The following ZYG11A variants were observed in gnomAD, a reference collection of about 807,000 sequenced individuals.
The protein encoded by ZYG11A is zyg-11 family member A, cell cycle regulator, also known as protein zyg-11 homolog A.
ZYG11A carries 62 observed loss-of-function variants against 77.2 expected under a neutral mutation model. The ratio of observed to expected loss-of-function variants is 0.80; its 90% CI spans 0.65 to 0.99. ZYG11A has a LOEUF of 0.99. ZYG11A is among the 50% of genes least tolerant of loss of function. The probability of loss-of-function intolerance (pLI) is 0.00; values close to 1 mark genes in which losing one functional copy is unlikely to be tolerated. For synonymous variants in ZYG11A, 315 were observed against 324.6 expected, an observed-to-expected ratio of 0.97 and a Z score of 0.32; for missense variants, 828 against 896.8, an observed-to-expected ratio of 0.92 and a Z score of 0.98.
chr1:52,855,276 AT>A (rs1307461422), intron 2 of ZYG11A, among the ~76,000 whole-genome samples: 5 of 152,278 alleles, frequency 3.3e-5, no homozygotes, highest in Non-Finnish European at 5.9e-5. Context: ...CACTAAAAAA[AT>A]AAAGGAAAAA....
At chr1:52,864,876 C>T (rs1026266203) in intron 5 of ZYG11A, among the ~76,000 whole-genome samples, 7 of 148,680 alleles carry the variant, frequency 4.7e-5, no homozygotes, top group African/African-American at 1.5e-4. Context: ...TGGTCTCGAT[C>T]TCCTGACCTC....
At chr1:52,868,180 G>T (rs1259407887) in intron 8 of ZYG11A, among the ~76,000 whole-genome samples, 4 of 151,550 alleles carry the variant, frequency 2.6e-5, no homozygotes, top group Admixed American at 1.3e-4. Flanking sequence ...TGGCCAGGCT[G>T]GTCTCGAACT....
chr1:52,854,301 A>G (rs181734995), intron 1 of ZYG11A, among the ~76,000 whole-genome samples, 164 bp from the exon 2 acceptor site: 23 of 152,344 alleles, frequency 1.5e-4, no homozygotes, highest in Admixed American at 1.4e-3. Flanking sequence ...CATTCAGTTA[A>G]CAGTAGGAAT....
chr1:52,891,611 C>G (rs1019694280), intron 13 of ZYG11A, among the ~76,000 whole-genome samples: 1 of 151,832 alleles, frequency 6.6e-6, no homozygotes, highest in South Asian at 2.1e-4. Flanking sequence ...CTCCTACTCC[C>G]GTATACCCCT....
chr1:52,845,157 C>G (rs1386420153), intron 1 of ZYG11A, among the ~76,000 whole-genome samples: 1 of 152,152 alleles, frequency 6.6e-6, no homozygotes, highest in East Asian at 1.9e-4. Context: ...CCATCTTGAT[C>G]TCTAGCAATA....
rs565826186 is a variant in ZYG11A, at chr1:52,882,885, A to G, written c.1944+1220A>G. ...TTTTCTTCTTTGTGGGTTTATTTTC[A>G]TATATTTTGTTGAGTACTTATCAGT... On this transcript the variant is annotated intron_variant, in intron 11 of 13. Coordinates refer to ENST00000371528, the MANE Select transcript of ZYG11A (RefSeq NM_001004339.3). Among the ~76,000 whole-genome samples the G allele has an allele frequency of 3.3e-5, 5 of 149,670 alleles. No homozygotes were observed. In the South Asian group the frequency reaches 1.0e-3, roughly 31 times the overall value.
Position 52,874,420 on chromosome 1 carries a change from A to AT in ZYG11A, c.1543-3251dup, listed in dbSNP as rs889170510. On this transcript the variant is annotated intron_variant, in intron 8 of 13. Coordinates refer to ENST00000371528, the MANE Select transcript of ZYG11A (RefSeq NM_001004339.3). ...TCACTACACCCAGATAATTTTTTAC[A>AT]TTTTTTTTTTTGATAGAGACAGAGT... Among the ~76,000 whole-genome samples, 87 of 143,014 alleles carry AT rather than the reference A, an allele frequency of 6.1e-4. 1 individual carries two copies. Among genetic ancestry groups the AT allele is most frequent in the South Asian group, 2.0e-3 (9 of 4,486 alleles). The allele number at this position is 143,014 out of a possible 152,430, so 93.8% of individuals were successfully genotyped here.
At chr1:52,849,914 G>A (rs1571832609) in intron 1 of ZYG11A, among the ~76,000 whole-genome samples, 1 of 148,828 alleles carries the variant, frequency 6.7e-6, no homozygotes, top group Non-Finnish European at 1.5e-5. Context: ...TCCATCTGCC[G>A]ACCTCGTGAT....
rs1050261180 is a variant in ZYG11A, at chr1:52,867,958, C to CTTTT, written c.1542+204_1542+207dup. Among the ~76,000 whole-genome samples, 115 of 98,162 alleles carry CTTTT rather than the reference C, an allele frequency of 1.2e-3. 19 individuals are homozygous for CTTTT. The highest frequency in any genetic ancestry group is 4.1e-3 in the African/African-American group (83 of 20,478). The allele number at this position is 98,162 out of a possible 152,430, so 64.4% of individuals were successfully genotyped here. ...TCTTTTGGTATGTACCTCCACATTT[C>CTTTT]TTTTTTTTTTTTTTTTTTTTTTTTT... On this transcript the variant is annotated intron_variant, in intron 8 of 13. Coordinates refer to ENST00000371528, the MANE Select transcript of ZYG11A (RefSeq NM_001004339.3).
rs1258931087 is a variant in ZYG11A at position 52,885,880 on chromosome 1, A to C, written c.1992A>C (p.Ala664=). The C allele has an allele frequency of 1.3e-6, 2 of 1,546,836 alleles. No homozygotes were observed. The highest frequency in any genetic ancestry group is 1.7e-6 in the Non-Finnish European group (2 of 1,145,106). The change falls in exon 12 of 14, where the codon GCA becomes GCC. Residue 664 remains alanine (A), a synonymous_variant. Coordinates refer to ENST00000371528, the MANE Select transcript of ZYG11A (RefSeq NM_001004339.3). ...CAAGTTCAAGTTGTAAGATGACAGC[A>C]TTGGTGACCTATAGGTAATTTCATG... ...NWPSSSCKMT[A]LVTYRSFKTF...
At chr1:52,885,750 C>A in intron 11 of ZYG11A, 83 bp from the exon 12 acceptor site, 2 of 1,037,678 alleles carry the variant, frequency 1.9e-6, no homozygotes, top group African/African-American at 1.6e-5. Flanking sequence ...TAAATTTGTT[C>A]AATCGTTCCC....
At chr1:52,860,919 A>G in intron 4 of ZYG11A, 48 bp downstream of exon 4, 1 of 1,513,782 alleles carries the variant, frequency 6.6e-7, no homozygotes, top group Non-Finnish European at 9.0e-7. Flanking sequence ...ACTTGGTTCA[A>G]TTAATAATTG....
At chr1:52,848,222 T>G (rs1457533019) in intron 1 of ZYG11A, among the ~76,000 whole-genome samples, 1 of 151,964 alleles carries the variant, frequency 6.6e-6, no homozygotes, top group Non-Finnish European at 1.5e-5. Context: ...AGGTGGGTCT[T>G]AAACTCCTGA....
At chr1:52,848,148 C>A (rs1036668900) in intron 1 of ZYG11A, among the ~76,000 whole-genome samples, 1 of 151,914 alleles carries the variant, frequency 6.6e-6, no homozygotes, top group East Asian at 1.9e-4. Flanking sequence ...GGATTACAGG[C>A]GTGAGCCACC....
chr1:52,889,057 G>T (rs947606563), intron 13 of ZYG11A, among the ~76,000 whole-genome samples: 2 of 152,148 alleles, frequency 1.3e-5, no homozygotes, highest in African/African-American at 4.8e-5. Flanking sequence ...AGCACTTTAT[G>T]AATAACTCAT....
chr1:52,851,761 T>G (rs998466187), intron 1 of ZYG11A, among the ~76,000 whole-genome samples: 1 of 151,784 alleles, frequency 6.6e-6, no homozygotes, highest in African/African-American at 2.4e-5. Context: ...TATTTTTTAT[T>G]TTTTGAGATA....
chr1:52,881,696 C>A (rs2150018367), intron 11 of ZYG11A, 31 bp downstream of exon 11: 12 of 1,451,488 alleles, frequency 8.3e-6, no homozygotes, highest in Non-Finnish European at 1.1e-5. Context: ...TTTATAAAAT[C>A]CAGAGTAATC....
At chr1:52,881,847 T>G (rs548293023) in intron 11 of ZYG11A, 182 bp downstream of exon 11, 70 of 497,574 alleles carry the variant, frequency 1.4e-4, no homozygotes, top group Middle Eastern at 1.1e-3. Flanking sequence ...ATGACTTACT[T>G]CGGTCCTCTT....
At chr1:52,853,085 T>C (rs866531415) in intron 1 of ZYG11A, among the ~76,000 whole-genome samples, 2 of 152,208 alleles carry the variant, frequency 1.3e-5, no homozygotes, top group Admixed American at 6.5e-5. Context: ...CATTGACACT[T>C]GTTGATGGTT....
Sources: gnomAD v4.1 joint callset for allele counts (sites outside exome capture counted in the v4.1 genomes callset) on GRCh38, gnomAD v4.1.1 for gene constraint, MANE v1.5 for transcripts, NCBI Gene and HGNC (gene_info 2026-07-23, HGNC 2026-07-21) for gene names.